Variants in MYO3A observed in about 807,000 individuals in gnomAD.
The protein encoded by MYO3A is myosin-IIIa.
A neutral mutation model predicts 192.7 loss-of-function variants in MYO3A; 180 were observed. That is an observed-to-expected ratio of 0.93 (90% CI 0.83 to 1.06). The LOEUF (loss-of-function observed/expected upper bound fraction) is 1.06, where lower values mean the gene tolerates loss of function less well. Among genes scored for constraint, MYO3A ranks in the 50% least tolerant of loss-of-function variants. The probability of loss-of-function intolerance (pLI) is 0.00; values close to 1 mark genes in which losing one functional copy is unlikely to be tolerated. For missense variants in MYO3A, 1,896 were observed against 1,905.0 expected, an observed-to-expected ratio of 1.00 and a Z score of 0.09; for synonymous variants, 628 against 645.3, an observed-to-expected ratio of 0.97 and a Z score of 0.41.
chr10:26,115,191 C>T (rs1419219741), intron 17 of MYO3A, among the ~76,000 whole-genome samples: 2 of 152,138 alleles, frequency 1.3e-5, no homozygotes, highest in Non-Finnish European at 2.9e-5. Flanking sequence ...TGTGATTTGC[C>T]TGCTAGAAAA....
At chr10:26,090,430 GT>G (rs554038086) in intron 15 of MYO3A, among the ~76,000 whole-genome samples, 7 of 152,262 alleles carry the variant, frequency 4.6e-5, no homozygotes, top group African/African-American at 9.6e-5. Context: ...GAATTAAGTA[GT>G]TTTTTTCCCC....
rs1841555129 is a variant in MYO3A, at chr10:26,162,994, TAGTG to T, written c.3000-3069_3000-3066del. ...AGTGGGATGAAAGGGCGCGCAAGCG[TAGTG>T]AGTTACACATACGAAGGCATAGAAG... On this transcript the variant is annotated intron_variant, in intron 26 of 34. Coordinates refer to ENST00000642920, the MANE Select transcript of MYO3A (RefSeq NM_017433.5). 3.3e-5 allele frequency among the ~76,000 whole-genome samples: 5 copies of T among 152,316 alleles called. No homozygotes were observed. The East Asian group carries it at 7.7e-4, about 23-fold the overall frequency.
At chr10:26,011,918 A>C (rs1564458293) in intron 6 of MYO3A, among the ~76,000 whole-genome samples, 1 of 152,234 alleles carries the variant, frequency 6.6e-6, no homozygotes, top group East Asian at 1.9e-4. Context: ...AGTGGTTTTC[A>C]TCCCAGGGAT....
intron 2 of MYO3A, among the ~76,000 whole-genome samples, chr10:25,949,034 A>G (rs1248303327): frequency 6.6e-6 from 1 of 152,066 alleles, no homozygotes; most frequent in Non-Finnish European, 1.5e-5. Flanking sequence ...TCTTTTCCTG[A>G]CCACTTCAGA....
At chr10:25,947,857 CA>C (rs1252103362) in intron 2 of MYO3A, among the ~76,000 whole-genome samples, 1 of 152,058 alleles carries the variant, frequency 6.6e-6, no homozygotes, top group Non-Finnish European at 1.5e-5. Context: ...TGAAGTACAT[CA>C]GTGAAAAAAC....
intron 20 of MYO3A, among the ~76,000 whole-genome samples, chr10:26,130,298 GT>G (rs1041621881): frequency 6.6e-6 from 1 of 151,948 alleles, no homozygotes; most frequent in African/African-American, 2.4e-5. Context: ...TGGAAACGGG[GT>G]TTCACCATTT....
At chr10:26,120,535 G>C in intron 17 of MYO3A, 141 bp from the exon 18 acceptor site, 1 of 1,077,192 alleles carries the variant, frequency 9.3e-7, no homozygotes, top group Non-Finnish European at 1.4e-6. Flanking sequence ...AGCCTACTTG[G>C]ATCTCAGTGT....
intron 6 of MYO3A, among the ~76,000 whole-genome samples, chr10:26,012,737 AT>A (rs1371218351): frequency 1.3e-5 from 2 of 152,184 alleles, no homozygotes; most frequent in Non-Finnish European, 2.9e-5. Context: ...TTAGAAAAAA[AT>A]GATTCTAAAA....
chr10:25,946,921 A>G (rs1836878641), intron 2 of MYO3A, among the ~76,000 whole-genome samples: 1 of 146,770 alleles, frequency 6.8e-6, no homozygotes, highest in Non-Finnish European at 1.5e-5. Flanking sequence ...TTGCCTTGCA[A>G]TTCAGTGAGC....
At chr10:26,114,309 T>A (rs1435664591) in intron 17 of MYO3A, among the ~76,000 whole-genome samples, 2 of 152,180 alleles carry the variant, frequency 1.3e-5, no homozygotes, top group African/African-American at 4.8e-5. Context: ...CAGGTATAGG[T>A]TGAGGCCCTA....
intron 18 of MYO3A, among the ~76,000 whole-genome samples, chr10:26,124,845 T>G (rs1839114180): frequency 1.3e-5 from 2 of 152,202 alleles, no homozygotes. Context: ...AATTGAAGTA[T>G]GAAACTAAAA....
At chr10:25,941,451 G>T (rs1041855987) in intron 2 of MYO3A, among the ~76,000 whole-genome samples, 1 of 152,060 alleles carries the variant, frequency 6.6e-6, no homozygotes, top group Non-Finnish European at 1.5e-5. Context: ...TTGAGATGTC[G>T]GTCCCCGAGA....
chr10:26,000,386 G>A (rs1203174422), intron 6 of MYO3A, among the ~76,000 whole-genome samples: 1 of 152,094 alleles, frequency 6.6e-6, no homozygotes, highest in Non-Finnish European at 1.5e-5. Flanking sequence ...GTGTGCCTGA[G>A]GCATCACTCT....
At chr10:26,152,927 C>A (rs890235933) in intron 23 of MYO3A, among the ~76,000 whole-genome samples, 22 of 152,304 alleles carry the variant, frequency 1.4e-4, no homozygotes, top group African/African-American at 4.8e-4. Flanking sequence ...CATCTTAGGC[C>A]AGCCTTTTGC....
At chr10:26,144,330 G>A (rs1840333461) in intron 21 of MYO3A, among the ~76,000 whole-genome samples, 1 of 151,940 alleles carries the variant, frequency 6.6e-6, no homozygotes, top group African/African-American at 2.4e-5. Context: ...CAGAAAATGT[G>A]GATTCACATC....
intron 14 of MYO3A, among the ~76,000 whole-genome samples, chr10:26,077,858 T>C (rs979194806): frequency 6.6e-6 from 1 of 152,152 alleles, no homozygotes; most frequent in African/African-American, 2.4e-5. Context: ...CATTTGATCA[T>C]GGTGGATTAT....
chr10:25,951,602 T>C (rs1837212286), intron 2 of MYO3A, among the ~76,000 whole-genome samples: 1 of 152,082 alleles, frequency 6.6e-6, no homozygotes, highest in Non-Finnish European at 1.5e-5. Context: ...AAGAATTTGG[T>C]AGGTTATGTT....
At chr10:25,976,322 C>T (rs750220270) in intron 4 of MYO3A, among the ~76,000 whole-genome samples, 47 of 152,206 alleles carry the variant, frequency 3.1e-4, no homozygotes, top group Non-Finnish European at 6.2e-4. Context: ...AAAGTGAAAA[C>T]GGGAATGAAT....
At chr10:26,124,522 G>A (rs1308844471) in intron 18 of MYO3A, among the ~76,000 whole-genome samples, 1 of 152,148 alleles carries the variant, frequency 6.6e-6, no homozygotes, top group Non-Finnish European at 1.5e-5. Context: ...TTTCTGCAAT[G>A]AGCCTATCGT....
Sources: allele counts gnomAD v4.1 joint callset (sites outside exome capture counted in the v4.1 genomes callset), GRCh38; gene constraint gnomAD v4.1.1; transcripts MANE v1.5; gene names NCBI Gene and HGNC (gene_info 2026-07-23, HGNC 2026-07-21).